The following AGAP1 variants were observed in gnomAD, a reference collection of about 807,000 sequenced individuals.
AGAP1 encodes ArfGAP with GTPase domain, ankyrin repeat and PH domain 1, also known as arf-GAP with GTPase, ANK repeat and PH domain-containing protein 1.
AGAP1 carries 29 observed loss-of-function variants against 105.3 expected under a neutral mutation model. The observed-to-expected ratio is 0.28, with a 90% CI of 0.21 to 0.38. AGAP1 has a LOEUF of 0.38. Ranked by LOEUF, AGAP1 falls within the 10% of genes least tolerant of loss-of-function variation. The probability of loss-of-function intolerance (pLI) is 1.00; values close to 1 mark genes in which losing one functional copy is unlikely to be tolerated. For missense variants in AGAP1, 998 were observed against 1,165.1 expected (o/e 0.86, Z 2.09); for synonymous variants, 509 against 485.9 (o/e 1.05, Z -0.63).
At position 236,090,015 on chromosome 2, in the gene AGAP1, T is replaced by G. The variant is rs781391270; in HGVS notation, c.2115-30177T>G. 1.3e-5 allele frequency among the ~76,000 whole-genome samples: 2 copies of G among 152,154 alleles called. No individual in the cohort carries two copies. The highest frequency in any genetic ancestry group is 2.9e-5 in the Non-Finnish European group (2 of 68,036). On this transcript the variant is annotated intron_variant, in intron 16 of 17. Transcript: ENST00000304032. The surrounding 1 kb of genome is among the most constrained non-coding windows in gnomAD (Gnocchi z 4.3). Reference sequence around the variant, plus strand: ...TGTACAGCAGCTCCCTGGCTGCAAATGAATCCATCGGATACAGAAGTTTTG... The same window carrying G: ...TGTACAGCAGCTCCCTGGCTGCAAAGGAATCCATCGGATACAGAAGTTTTG...
intron 1 of AGAP1, among the ~76,000 whole-genome samples, chr2:235,650,683 A>G (rs1268666476): frequency 6.6e-6 from 1 of 152,102 alleles, no homozygotes; most frequent in Non-Finnish European, 1.5e-5. Context: ...GGCACAGAAA[A>G]CTCAATGTCA....
In AGAP1 at chr2:235,877,442, C is replaced by T. The variant is rs987071; in HGVS notation, c.1051-5903C>T. Among the ~76,000 whole-genome samples the T allele has an allele frequency of 0.78, 118,092 of 152,058 alleles. 46,066 individuals carry two copies. The highest frequency in any genetic ancestry group is 0.99 in the East Asian group (5,097 of 5,152). ...CCTTTGGTGTCAGCTGCCTCGTGAC[C>T]GTATCACGTGGTGACCCCAGTCTCT... On this transcript the variant is annotated intron_variant, in intron 9 of 17. Coordinates refer to ENST00000304032, the MANE Select transcript of AGAP1 (RefSeq NM_001037131.3). The surrounding 1 kb of genome is among the most constrained non-coding windows in gnomAD (Gnocchi z 4.3).
intron 9 of AGAP1, among the ~76,000 whole-genome samples, chr2:235,837,201 T>G (rs1372964002): frequency 6.6e-6 from 1 of 152,172 alleles, no homozygotes; most frequent in African/African-American, 2.4e-5. Flanking sequence ...GTCAGGCTGG[T>G]CTTGAACTCC....
intron 9 of AGAP1, among the ~76,000 whole-genome samples, chr2:235,848,097 G>A (rs1961722982): frequency 6.6e-6 from 1 of 152,138 alleles, no homozygotes. Context: ...TATCCCACCG[G>A]TTACACTCTC....
intron 6 of AGAP1, among the ~76,000 whole-genome samples, chr2:235,758,242 T>G (rs1954100229): frequency 6.6e-6 from 1 of 152,204 alleles, no homozygotes; most frequent in Non-Finnish European, 1.5e-5. Flanking sequence ...CATTAGGCAC[T>G]TGATATATGT....
chr2:235,909,977 C>A (rs542291561), intron 11 of AGAP1, among the ~76,000 whole-genome samples: 1 of 151,734 alleles, frequency 6.6e-6, no homozygotes, highest in African/African-American at 2.4e-5. Context: ...GCCATGATTG[C>A]GCCACTGCAC....
intron 1 of AGAP1, among the ~76,000 whole-genome samples, chr2:235,699,939 G>A (rs1421467233): frequency 6.6e-6 from 1 of 152,204 alleles, no homozygotes; most frequent in Non-Finnish European, 1.5e-5. Context: ...TGGGGACCTC[G>A]GTGTTGGGGG....
intron 1 of AGAP1, among the ~76,000 whole-genome samples, chr2:235,685,539 T>C (rs971820487): frequency 6.6e-6 from 1 of 151,562 alleles, no homozygotes; most frequent in African/African-American, 2.4e-5. Flanking sequence ...AGAGAACAAA[T>C]GCTATGAAGA....
In AGAP1 at chr2:235,855,238, C is replaced by T. The variant is rs539196853; in HGVS notation, c.1051-28107C>T. Among the ~76,000 whole-genome samples, 9 of 152,294 alleles carry T rather than the reference C, an allele frequency of 5.9e-5. No homozygotes were observed. The highest frequency in any genetic ancestry group is 2.1e-4 in the South Asian group (1 of 4,820). On this transcript the variant is annotated intron_variant, in intron 9 of 17. Transcript: ENST00000304032. The surrounding 1 kb of genome is among the most constrained non-coding windows in gnomAD (Gnocchi z 5.0). ...TTGGGGTGGCGCACGGAAATGGAAG[C>T]GTGAGGTCATCCCTGTGATCAGTAA...
chr2:236,020,459 A>ATCG lies in AGAP1; in HGVS notation c.1646-16099_1646-16097dup, dbSNP rs1559198069. ...TTCCATTTGCTGTCATCTGAGAAGA[A>ATCG]TCGTCAGTTGTAGAAATTTGGCTAA... On this transcript the variant is annotated intron_variant, in intron 13 of 17. Coordinates refer to ENST00000304032, the MANE Select transcript of AGAP1 (RefSeq NM_001037131.3). The surrounding 1 kb of genome is among the most constrained non-coding windows in gnomAD (Gnocchi z 5.0). 6.6e-6 allele frequency among the ~76,000 whole-genome samples: 1 copy of ATCG among 152,192 alleles called. No homozygotes were observed. The highest frequency in any genetic ancestry group is 1.5e-5 in the Non-Finnish European group (1 of 68,040).
At chr2:235,859,899 G>A (rs897699061) in intron 9 of AGAP1, among the ~76,000 whole-genome samples, 13 of 152,306 alleles carry the variant, frequency 8.5e-5, no homozygotes, top group African/African-American at 2.9e-4. Flanking sequence ...TCTTGGCTGT[G>A]CGCAGCGCCT....
In AGAP1 at chr2:235,557,656, A is replaced by T. The variant is rs1381500559; in HGVS notation, c.163+62807A>T. ...TCCTAGAACTTTCCCTGCTGTCTGG[A>T]TAAGGAAACTGAGGCACAGAGGGTC... On this transcript the variant is annotated intron_variant, in intron 1 of 17. Coordinates refer to ENST00000304032, the MANE Select transcript of AGAP1 (RefSeq NM_001037131.3). The surrounding 1 kb of genome is among the most constrained non-coding windows in gnomAD (Gnocchi z 4.7). 6.6e-6 allele frequency among the ~76,000 whole-genome samples: 1 copy of T among 152,078 alleles called. No homozygotes were observed. The highest frequency in any genetic ancestry group is 1.5e-5 in the Non-Finnish European group (1 of 68,016).
At chr2:236,102,598 AAAAG>A (rs1396800270) in intron 16 of AGAP1, among the ~76,000 whole-genome samples, 25 of 135,718 alleles carry the variant, frequency 1.8e-4, no homozygotes, top group South Asian at 1.1e-3. Context: ...AAAAAAAAAA[AAAAG>A]AAAGAAAGAA....
chr2:235,711,979 G>A (rs186356887), intron 2 of AGAP1, among the ~76,000 whole-genome samples: 2 of 152,052 alleles, frequency 1.3e-5, no homozygotes, highest in South Asian at 2.1e-4. Flanking sequence ...TTCAATGTTC[G>A]CTTTCTTCTC....
At chr2:235,761,910 G>A (rs1218288412) in intron 6 of AGAP1, among the ~76,000 whole-genome samples, 2 of 152,048 alleles carry the variant, frequency 1.3e-5, no homozygotes, top group Non-Finnish European at 2.9e-5. Context: ...GGGAGTTCAA[G>A]ACCAGCCTGG....
intron 1 of AGAP1, among the ~76,000 whole-genome samples, chr2:235,656,309 A>T (rs1003240602): frequency 5.9e-5 from 9 of 152,240 alleles, no homozygotes; most frequent in African/African-American, 2.2e-4. Context: ...AACAGTTTCA[A>T]GCCTAACACT....
At position 235,973,292 on chromosome 2, in the gene AGAP1, A is replaced by G. The variant is rs2054728587; in HGVS notation, c.1645+4669A>G. 6.6e-6 allele frequency among the ~76,000 whole-genome samples: 1 copy of G among 152,198 alleles called. No homozygotes were observed. The highest frequency in any genetic ancestry group is 1.5e-5 in the Non-Finnish European group (1 of 68,050). On this transcript the variant is annotated intron_variant, in intron 13 of 17. Transcript: ENST00000304032. The surrounding 1 kb of genome is among the most constrained non-coding windows in gnomAD (Gnocchi z 4.7). ...GGAGAGCATTTATTTTCTTAGGTTT[A>G]CCATTTAAAATGAATCGGAGGAATC... is the stretch of plus-strand genomic sequence containing the variant.
chr2:235,841,731 T>G (rs1053738698), intron 9 of AGAP1, among the ~76,000 whole-genome samples: 6 of 152,216 alleles, frequency 3.9e-5, no homozygotes, highest in Non-Finnish European at 4.4e-5. Context: ...TTTGGCTTTA[T>G]GTTATGAATG....
intron 1 of AGAP1, among the ~76,000 whole-genome samples, chr2:235,573,306 A>C (rs186711598): frequency 6.6e-6 from 1 of 151,698 alleles, no homozygotes; most frequent in African/African-American, 2.4e-5. Context: ...GCTGGTCTCA[A>C]ATTCTTGGGC....
Sources: gnomAD v4.1 joint callset for allele counts (sites outside exome capture counted in the v4.1 genomes callset) on GRCh38, gnomAD v4.1.1 for gene constraint, Gnocchi (gnomAD v3.1) non-coding constraint, MANE v1.5 for transcripts, NCBI Gene and HGNC (gene_info 2026-07-23, HGNC 2026-07-21) for gene names.